Variants in KRT7 observed in about 807,000 individuals in gnomAD.
The protein encoded by KRT7 is keratin, type II cytoskeletal 7.
In KRT7, 50 loss-of-function variants were observed where a neutral mutation model predicts 42.8. The ratio of observed to expected loss-of-function variants is 1.17; its 90% CI spans 0.93 to 1.48. The LOEUF (loss-of-function observed/expected upper bound fraction) is 1.48, where lower values mean the gene tolerates loss of function less well. KRT7 is among the 40% of genes most tolerant of loss of function. The pLI is 0.00. For missense variants in KRT7, 588 were observed against 637.6 expected, an observed-to-expected ratio of 0.92 and a Z score of 0.84; for synonymous variants, 268 against 266.3, an observed-to-expected ratio of 1.01 and a Z score of -0.06.
In KRT7 at chr12:52,233,294, A is replaced by G. The variant is rs1190207913; in HGVS notation, c.-3A>G. 2 of 1,547,064 alleles carry G rather than the reference A, an allele frequency of 1.3e-6. No individual in the cohort carries two copies. Among genetic ancestry groups the G allele is most frequent in the African/African-American group, 2.9e-5 (2 of 69,440 alleles). ...CCGCTAGGTCCATCCCGGCCCAGCCACCATGTCCATCCACTTCAGCTCCCC... is the reference window on the plus strand; with the variant it reads ...CCGCTAGGTCCATCCCGGCCCAGCCGCCATGTCCATCCACTTCAGCTCCCC... On this transcript the variant is annotated 5_prime_UTR_variant, in exon 1 of 9. Transcript: ENST00000331817.
chr12:52,237,332 G>A (rs533412273), intron 2 of KRT7, among the ~76,000 whole-genome samples, 177 bp from the exon 3 acceptor site: 27 of 152,274 alleles, frequency 1.8e-4, no homozygotes, highest in Admixed American at 7.2e-4. Context: ...AAAGCCCTAG[G>A]AATGGCCGCG....
intron 2 of KRT7, among the ~76,000 whole-genome samples, chr12:52,236,401 C>T (rs1047741756): frequency 1.3e-5 from 2 of 151,572 alleles, no homozygotes; most frequent in African/African-American, 4.9e-5. Context: ...GAGCACCTTC[C>T]TGTGGAGCCA....
intron 6 of KRT7, chr12:52,244,509 C>T: frequency 1.0e-6 from 1 of 985,872 alleles, no homozygotes. Flanking sequence ...CGAGCTGTGG[C>T]CGAGGGGCAG....
At chr12:52,250,649 A>AG, downstream of KRT7, 1 of 743,906 alleles carries the variant, frequency 1.3e-6, no homozygotes, top group Non-Finnish European at 2.3e-6. Context: ...CACCTGCCAG[A>AG]GGGGGAGGAC....
chr12:52,247,631 C>A, intron 7 of KRT7: 1 of 154,826 alleles, frequency 6.5e-6, no homozygotes, highest in Non-Finnish European at 1.4e-5. Context: ...TAAAGCCACC[C>A]CCACTCCCTG....
At chr12:52,239,516 AT>A (rs1421932278) in intron 4 of KRT7, among the ~76,000 whole-genome samples, 10 of 152,312 alleles carry the variant, frequency 6.6e-5, no homozygotes, top group African/African-American at 2.2e-4. Context: ...GGACTCAGGA[AT>A]TCAGGACAGG....
chr12:52,253,011 G>A (rs1200086305), downstream of KRT7, among the ~76,000 whole-genome samples: 6 of 152,160 alleles, frequency 3.9e-5, no homozygotes, highest in Non-Finnish European at 8.8e-5. Flanking sequence ...TCTGCCCTTG[G>A]AAGCACCTCA....
downstream of KRT7, chr12:52,252,389 A>C (rs568812472): frequency 1.2e-6 from 2 of 1,613,964 alleles, no homozygotes; most frequent in Non-Finnish European, 1.7e-6. Context: ...TCTGCAGGGC[A>C]CCCTCCAGCT....
Position 52,241,633 on chromosome 12 carries a change from C to G in KRT7, c.855C>G (p.Thr285=). The G allele has an allele frequency of 6.2e-7, 1 of 1,607,514 alleles. No individual in the cohort carries two copies. The highest frequency in any genetic ancestry group is 8.5e-7 in the Non-Finnish European group (1 of 1,176,182). The change falls in exon 5 of 9, where the codon ACC becomes ACG. Residue 285 remains threonine, a synonymous_variant. Coordinates refer to ENST00000331817, the MANE Select transcript of KRT7 (RefSeq NM_005556.4). ...CTGAGGCTGAAGCCTGGTACCAGAC[C>G]AAGGTGTGAGGCCACCAGGGGCGTA... is the stretch of plus-strand genomic sequence containing the variant. ...SRAEAEAWYQ[T]KFETLQAQAG...
At chr12:52,244,611 G>A (rs1028578441) in intron 6 of KRT7, 50 of 985,792 alleles carry the variant, frequency 5.1e-5, no homozygotes, top group Admixed American at 1.2e-4. Context: ...GAGAATGGCC[G>A]GTAAGAAGGG....
Position 52,245,630 on chromosome 12 carries a change from C to T in KRT7, c.1203C>T (p.Ser401=). Reference sequence around the variant, plus strand: ...GCAAGCTGCTGGAGGGCGAGGAGAGCCGGTGAGGACAAGGAACCTGGAAAG... The same window carrying T: ...GCAAGCTGCTGGAGGGCGAGGAGAGTCGGTGAGGACAAGGAACCTGGAAAG... ...TYRKLLEGEE[S]RLAGDGVGAV... is the part of the protein sequence containing the mutation. Residue 401 remains serine, a splice_region_variant and synonymous_variant, in exon 7 of 9, where the codon AGC becomes AGT. Transcript: ENST00000331817. 1 of 1,613,308 alleles carries T rather than the reference C, an allele frequency of 6.2e-7. No individual in the cohort carries two copies. Among genetic ancestry groups the T allele is most frequent in the Non-Finnish European group, 8.5e-7 (1 of 1,180,002 alleles).
Position 52,243,085 on chromosome 12 carries a change from T to C in KRT7, c.932T>C (p.Met311Thr). 1 of 1,613,810 alleles carries C rather than the reference T, an allele frequency of 6.2e-7. No homozygotes were observed. Reference protein sequence around the residue: ...LRNTRNEISEMNRAIQRLQAE... With the variant: ...LRNTRNEISETNRAIQRLQAE... ...AATACCCGGAATGAGATTTCAGAGA[T>C]GAACCGGGCCATCCAGAGGCTGCAG... Residue 311 changes from methionine (M) to threonine (T), a missense_variant, in exon 6 of 9, where the codon ATG (methionine) becomes ACG (threonine). Met to Thr is a moderately conservative substitution (Grantham distance 81). Transcript: ENST00000331817.
In KRT7 at chr12:52,245,343, C is replaced by A. The variant is rs535797700; in HGVS notation, c.985-69C>A. 9.8e-5 allele frequency: 150 copies of A among 1,523,644 alleles called. 1 individual carries two copies. The South Asian group carries it at 1.7e-3, about 17-fold the overall frequency. The allele number at this position is 1,523,644 out of a possible 1,614,324, so 94.4% of individuals were successfully genotyped here. On this transcript the variant is annotated intron_variant, in intron 6 of 8. Transcript: ENST00000331817. ...ACCTTAAGCAAGTTGCCCGGGTGCT[C>A]ACTGCAGGATGGGCAGGCAGGAAGG...
Position 52,233,614 on chromosome 12 carries a change from C to A in KRT7, c.318C>A (p.Ile106=). The change falls in exon 1 of 9, where the codon ATC becomes ATA. Residue 106 remains isoleucine, a synonymous_variant. Transcript: ENST00000331817. ...KTLNNKFASF[I]DKVRFLEQQN... ...TCAACAACAAGTTTGCCTCCTTCAT[C>A]GACAAGGTGAGCGGGACTGGACCTC... 6.2e-7 allele frequency: 1 copy of A among 1,612,524 alleles called. No individual in the cohort carries two copies. Among genetic ancestry groups the A allele is most frequent in the Non-Finnish European group, 8.5e-7 (1 of 1,179,630 alleles).
At chr12:52,245,009 G>C (rs1942147544) in intron 6 of KRT7, 1 of 201,172 alleles carries the variant, frequency 5.0e-6, no homozygotes, top group South Asian at 9.4e-5. Flanking sequence ...CTGGGGCTGG[G>C]GGACTGGGGG....
chr12:52,252,239 C>A, downstream of KRT7: 3 of 1,613,354 alleles, frequency 1.9e-6, no homozygotes, highest in South Asian at 3.3e-5. Context: ...AGGGGACACC[C>A]TCCCCACAGC....
In KRT7 at chr12:52,233,251, C is replaced by T; in HGVS notation, c.-46C>T. On this transcript the variant is annotated 5_prime_UTR_variant, in exon 1 of 9. Transcript: ENST00000331817. ...GGAGTGTCCCCGAGGTCAGCGAGTG[C>T]GCGCTCCTCCTCGCCCGCCGCTAGG... The T allele has an allele frequency of 2.1e-6, 3 of 1,415,290 alleles. No individual in the cohort carries two copies. The highest frequency in any genetic ancestry group is 1.5e-5 in the South Asian group (1 of 68,708). 87.7% of individuals were successfully genotyped at this position (1,415,290 alleles called of 1,614,324 possible). A position where few individuals can be genotyped will look rare whatever the true frequency, so the allele number is the denominator to read the frequency against.
chr12:52,247,906 G>T, intron 7 of KRT7: 2 of 527,814 alleles, frequency 3.8e-6, no homozygotes, highest in South Asian at 2.1e-5. Context: ...CCATGAATTT[G>T]GTCCTGTAGT....
At chr12:52,252,002 A>G (rs1331502356), downstream of KRT7, 7 of 665,754 alleles carry the variant, frequency 1.1e-5, no homozygotes, top group African/African-American at 1.8e-5. Context: ...CTGTTATTTC[A>G]GGACCCACAA....
Sources: gnomAD v4.1 joint callset for allele counts (sites outside exome capture counted in the v4.1 genomes callset) on GRCh38, gnomAD v4.1.1 for gene constraint, MANE v1.5 for transcripts, NCBI Gene and HGNC (gene_info 2026-07-23, HGNC 2026-07-21) for gene names.